ZNF516: variants seen among roughly 807,000 people sequenced by gnomAD.
The protein encoded by ZNF516 is zinc finger protein 516.
Under a neutral mutation model 79.7 loss-of-function variants are expected in ZNF516, and 19 were observed. The ratio of observed to expected loss-of-function variants is 0.24; its 90% CI spans 0.17 to 0.35. The LOEUF is 0.35. Ranked by LOEUF, ZNF516 falls within the 10% of genes least tolerant of loss-of-function variation. The pLI, the probability that ZNF516 is intolerant of heterozygous loss-of-function variation, is 1.00. For synonymous variants in ZNF516, 877 were observed against 739.5 expected, an observed-to-expected ratio of 1.19 and a Z score of -3.02; for missense variants, 1,678 against 1,679.5, an observed-to-expected ratio of 1.00 and a Z score of 0.02.
chr18:76,371,692 T>C lies in ZNF516; in HGVS notation c.3260-121A>G, dbSNP rs2074710495. 5 of 751,788 alleles carry C rather than the reference T, an allele frequency of 6.7e-6. No individual in the cohort carries two copies. In the South Asian group the frequency reaches 8.6e-5, roughly 13 times the overall value. 46.6% of individuals were successfully genotyped at this position (751,788 alleles called of 1,614,324 possible). ...CATTAGTCTGTCTAATGTGTCATCA[T>C]GTGAGGCTCCCTTCAGGCCCTGGTG... is the stretch of plus-strand genomic sequence containing the variant. On this transcript the variant is annotated intron_variant, in intron 4 of 6. Transcript: ENST00000443185.
intron 1 of ZNF516, among the ~76,000 whole-genome samples, chr18:76,491,964 G>A (rs983241965): frequency 1.3e-5 from 2 of 152,192 alleles, no homozygotes; most frequent in Non-Finnish European, 2.9e-5. Context: ...GGAGTCGGAC[G>A]CTACCTTGTA....
chr18:76,456,584 A>G (rs1236814716), intron 2 of ZNF516, among the ~76,000 whole-genome samples: 1 of 152,172 alleles, frequency 6.6e-6, no homozygotes, highest in Non-Finnish European at 1.5e-5. Flanking sequence ...TGCCATCCAC[A>G]GCCCAGGCTT....
chr18:76,432,389 C>T (rs975660432), intron 3 of ZNF516, among the ~76,000 whole-genome samples: 4 of 152,270 alleles, frequency 2.6e-5, no homozygotes, highest in African/African-American at 9.6e-5. Flanking sequence ...CCAGCACCAC[C>T]GCTACGTTCT....
chr18:76,483,650 G>T (rs751320051), intron 1 of ZNF516, among the ~76,000 whole-genome samples: 1 of 152,132 alleles, frequency 6.6e-6, no homozygotes, highest in Non-Finnish European at 1.5e-5. Context: ...GGTCTTCTCC[G>T]ACCCCTTTCC....
intron 2 of ZNF516, among the ~76,000 whole-genome samples, chr18:76,449,928 C>T (rs1568304446): frequency 6.6e-6 from 1 of 152,194 alleles, no homozygotes; most frequent in Non-Finnish European, 1.5e-5. Context: ...TGACCAACAC[C>T]TATAATCATC....
chr18:76,391,093 C>T (rs2075066439), intron 3 of ZNF516, among the ~76,000 whole-genome samples: 1 of 152,068 alleles, frequency 6.6e-6, no homozygotes, highest in Non-Finnish European at 1.5e-5. Flanking sequence ...ACCAGGGGTC[C>T]ACAGGAGGAC....
At chr18:76,421,165 C>A (rs2075501732) in intron 3 of ZNF516, among the ~76,000 whole-genome samples, 1 of 152,178 alleles carries the variant, frequency 6.6e-6, no homozygotes, top group African/African-American at 2.4e-5. Context: ...ACTACTGACA[C>A]GTTTACAAAG....
intron 3 of ZNF516, among the ~76,000 whole-genome samples, chr18:76,413,438 G>A (rs902766642): frequency 6.6e-6 from 1 of 152,136 alleles, no homozygotes; most frequent in Non-Finnish European, 1.5e-5. Flanking sequence ...TCAATCAATC[G>A]ATAGAAAGAT....
chr18:76,488,405 A>C (rs1914955346), intron 1 of ZNF516, among the ~76,000 whole-genome samples: 1 of 152,108 alleles, frequency 6.6e-6, no homozygotes, highest in African/African-American at 2.4e-5. Flanking sequence ...GGATGTGCAA[A>C]GGAAGTCAGA....
chr18:76,448,917 T>C (rs1197758928), intron 2 of ZNF516, among the ~76,000 whole-genome samples: 1 of 152,122 alleles, frequency 6.6e-6, no homozygotes, highest in East Asian at 1.9e-4. Context: ...GGGAAGCGAT[T>C]CACTATATTT....
intron 1 of ZNF516, among the ~76,000 whole-genome samples, chr18:76,488,692 A>C (rs558864067): frequency 1.3e-5 from 2 of 152,376 alleles, no homozygotes; most frequent in South Asian, 4.1e-4. Flanking sequence ...TTTATAATGC[A>C]GATACCTAAT....
intron 2 of ZNF516, among the ~76,000 whole-genome samples, chr18:76,445,050 TGA>T (rs1568300582): frequency 6.6e-6 from 1 of 152,064 alleles, no homozygotes; most frequent in African/African-American, 2.4e-5. Context: ...AGAGCGGGCA[TGA>T]GAGAGATGCC....
intron 3 of ZNF516, 27 bp from the exon 4 acceptor site, chr18:76,380,330 A>T: frequency 6.2e-7 from 1 of 1,603,990 alleles, no homozygotes. Flanking sequence ...ATGAAACGGG[A>T]AGTTACCATT....
intron 3 of ZNF516, among the ~76,000 whole-genome samples, chr18:76,433,533 C>T (rs2075689996): frequency 6.6e-6 from 1 of 152,220 alleles, no homozygotes; most frequent in African/African-American, 2.4e-5. Context: ...GGGTGCCGTA[C>T]CGCGGCTGCA....
chr18:76,489,013 G>A (rs530111180), intron 1 of ZNF516, among the ~76,000 whole-genome samples: 1 of 152,358 alleles, frequency 6.6e-6, no homozygotes, highest in Admixed American at 6.5e-5. Flanking sequence ...GCACACGTTT[G>A]GACAAGCTCC....
rs974443810 is a variant in ZNF516 at position 76,460,087 on chromosome 18, G to C, written c.-158+2941C>G. 6.6e-5 allele frequency among the ~76,000 whole-genome samples: 10 copies of C among 152,310 alleles called. No homozygotes were observed. In the East Asian group the frequency reaches 1.7e-3, roughly 26 times the overall value. ...TTCTGGACCAGGACTCGTTCTGTTG[G>C]AATGTGCCTACCAAACACAGCAAGG... On this transcript the variant is annotated intron_variant, in intron 2 of 6. Transcript: ENST00000443185.
At chr18:76,491,290 GGCCCCGGCCCT>G (rs1915182968) in intron 1 of ZNF516, among the ~76,000 whole-genome samples, 1 of 30,582 alleles carries the variant, frequency 3.3e-5, no homozygotes, top group Non-Finnish European at 5.8e-5. Flanking sequence ...CCCCGGCCCC[GGCCCCGGCCCT>G]CCACAGCCCC....
chr18:76,447,075 C>G (rs1048534968), intron 2 of ZNF516, among the ~76,000 whole-genome samples: 30 of 152,216 alleles, frequency 2.0e-4, no homozygotes, highest in Admixed American at 1.7e-3. Flanking sequence ...CTGCAACGAA[C>G]TCTCCTAAGG....
At chr18:76,425,221 T>A (rs2075578258) in intron 3 of ZNF516, among the ~76,000 whole-genome samples, 1 of 151,978 alleles carries the variant, frequency 6.6e-6, no homozygotes, top group South Asian at 2.1e-4. Context: ...AGTGGAGGCA[T>A]GGGAAGAGCC....
Sources: allele counts gnomAD v4.1 joint callset (sites outside exome capture counted in the v4.1 genomes callset), GRCh38; gene constraint gnomAD v4.1.1; transcripts MANE v1.5; gene names NCBI Gene and HGNC (gene_info 2026-07-23, HGNC 2026-07-21).